The following GPATCH2 variants were observed in gnomAD, a reference collection of about 807,000 sequenced individuals.
GPATCH2 encodes G-patch domain containing 2, also known as G patch domain-containing protein 2.
A neutral mutation model predicts 58.0 loss-of-function variants in GPATCH2; 51 were observed. The ratio of observed to expected loss-of-function variants is 0.88; its 90% CI spans 0.70 to 1.11. The LOEUF (loss-of-function observed/expected upper bound fraction) is 1.11, where lower values mean the gene tolerates loss of function less well. Ranked by LOEUF, GPATCH2 falls within the 50% of genes most tolerant of loss-of-function variation. The pLI, the probability that GPATCH2 is intolerant of heterozygous loss-of-function variation, is 0.00. For synonymous variants in GPATCH2, 222 were observed against 218.5 expected, an observed-to-expected ratio of 1.02 and a Z score of -0.14; for missense variants, 625 against 652.2, an observed-to-expected ratio of 0.96 and a Z score of 0.45.
At chr1:217,608,962 T>C (rs540399559) in intron 5 of GPATCH2, 2 of 984,196 alleles carry the variant, frequency 2.0e-6, no homozygotes, top group African/African-American at 1.7e-5. Context: ...TTTCAGACTT[T>C]AAAAACTTTA....
intron 6 of GPATCH2, among the ~76,000 whole-genome samples, chr1:217,508,587 A>G (rs1662680710): frequency 6.6e-6 from 1 of 152,176 alleles, no homozygotes; most frequent in South Asian, 2.1e-4. Flanking sequence ...GGAACCATGT[A>G]CAGAGTACAT....
chr1:217,472,964 G>A (rs1660798192), intron 8 of GPATCH2, among the ~76,000 whole-genome samples: 1 of 152,098 alleles, frequency 6.6e-6, no homozygotes, highest in Non-Finnish European at 1.5e-5. Flanking sequence ...TCACCACTAA[G>A]GTATATAACC....
Position 217,610,956 on chromosome 1 carries a change from T to C in GPATCH2, c.951A>G (p.Val317=), listed in dbSNP as rs190072558. Reference sequence around the variant, plus strand: ...AGATACTTTCAAAGACAGGATCTGGTACATTTTTGTCTAGCTCAGTAGGAT... The same window carrying C: ...AGATACTTTCAAAGACAGGATCTGGCACATTTTTGTCTAGCTCAGTAGGAT... ...KEDPTELDKN[V]PDPVFESILT... Residue 317 remains valine, a synonymous_variant, in exon 4 of 10, where the codon GTA becomes GTG. Transcript: ENST00000366935. The C allele has an allele frequency of 3.1e-6, 5 of 1,613,482 alleles. No individual in the cohort carries two copies. The highest frequency in any genetic ancestry group is 4.2e-6 in the Non-Finnish European group (5 of 1,179,626).
intron 5 of GPATCH2, among the ~76,000 whole-genome samples, chr1:217,521,007 G>A (rs1040162101): frequency 6.6e-6 from 1 of 152,124 alleles, no homozygotes; most frequent in African/African-American, 2.4e-5. Context: ...ACCATGCCCA[G>A]TTACTTCTTA....
At chr1:217,490,363 G>A (rs1047225210) in intron 8 of GPATCH2, among the ~76,000 whole-genome samples, 5 of 152,100 alleles carry the variant, frequency 3.3e-5, no homozygotes, top group African/African-American at 1.2e-4. Context: ...TATCGTGCAT[G>A]TTATTCACTG....
At chr1:217,467,287 G>A (rs1660506753) in intron 8 of GPATCH2, among the ~76,000 whole-genome samples, 1 of 152,150 alleles carries the variant, frequency 6.6e-6, no homozygotes, top group Non-Finnish European at 1.5e-5. Context: ...GATCCCATGA[G>A]TATTTTTATA....
intron 5 of GPATCH2, among the ~76,000 whole-genome samples, chr1:217,560,829 G>A (rs1055527299): frequency 3.9e-5 from 6 of 152,142 alleles, no homozygotes; most frequent in Non-Finnish European, 5.9e-5. Context: ...TGTCTCCCAT[G>A]GCGGTTATAT....
intron 5 of GPATCH2, among the ~76,000 whole-genome samples, chr1:217,536,806 C>T (rs1664495180): frequency 6.6e-6 from 1 of 152,078 alleles, no homozygotes; most frequent in Admixed American, 6.5e-5. Context: ...GAAAACCCGT[C>T]TCTACTGAAA....
intron 5 of GPATCH2, among the ~76,000 whole-genome samples, chr1:217,556,624 A>AT (rs71556689): frequency 6.6e-6 from 1 of 152,130 alleles, no homozygotes; most frequent in African/African-American, 2.4e-5. Context: ...GACATTTATG[A>AT]TTTTTTCATC....
At chr1:217,433,231 T>C (rs1408710781) in intron 9 of GPATCH2, among the ~76,000 whole-genome samples, 1 of 151,964 alleles carries the variant, frequency 6.6e-6, no homozygotes, top group East Asian at 1.9e-4. Flanking sequence ...AGAAGGATCC[T>C]TGGATCTCAA....
At chr1:217,531,111 G>A (rs1664168991) in intron 5 of GPATCH2, among the ~76,000 whole-genome samples, 1 of 151,754 alleles carries the variant, frequency 6.6e-6, no homozygotes, top group African/African-American at 2.4e-5. Flanking sequence ...GCAGAACCTT[G>A]AAGGCTTCTC....
At chr1:217,625,749 G>A (rs1360464399) in intron 1 of GPATCH2, among the ~76,000 whole-genome samples, 3 of 152,162 alleles carry the variant, frequency 2.0e-5, no homozygotes, top group African/African-American at 4.8e-5. Context: ...CTGGGAGGTC[G>A]AAGTGGGTGG....
chr1:217,490,688 T>A (rs2818974), intron 8 of GPATCH2, among the ~76,000 whole-genome samples: 36,850 of 152,142 alleles, frequency 0.24, 6,164 homozygotes, highest in African/African-American at 0.48. Flanking sequence ...TTTTATGGTG[T>A]TTTGTTGCTT....
chr1:217,470,938 TA>T (rs200769177), intron 8 of GPATCH2, among the ~76,000 whole-genome samples: 2,909 of 151,790 alleles, frequency 0.019, 99 homozygotes, highest in African/African-American at 0.065. Context: ...TAAGAATGAA[TA>T]AAAAAAACTA....
intron 8 of GPATCH2, among the ~76,000 whole-genome samples, chr1:217,480,560 A>G (rs913752668): frequency 2.6e-5 from 4 of 152,182 alleles, no homozygotes; most frequent in African/African-American, 9.6e-5. Context: ...AATTAGTACA[A>G]CCACTATGGA....
intron 1 of GPATCH2, among the ~76,000 whole-genome samples, chr1:217,622,542 C>T (rs1669241450): frequency 6.6e-6 from 1 of 152,036 alleles, no homozygotes; most frequent in Non-Finnish European, 1.5e-5. Context: ...ATATACAACT[C>T]AGGGTTTTTT....
chr1:217,609,345 T>A (rs910475127), intron 5 of GPATCH2: 1 of 985,100 alleles, frequency 1.0e-6, no homozygotes, highest in African/African-American at 1.7e-5. Flanking sequence ...ACAGCATTTG[T>A]TAAAAATACC....
intron 5 of GPATCH2, among the ~76,000 whole-genome samples, chr1:217,530,206 T>C (rs996116259): frequency 6.6e-6 from 1 of 152,134 alleles, no homozygotes; most frequent in Admixed American, 6.5e-5. Context: ...CCCTCCAGTA[T>C]AAAGTAGTTC....
At chr1:217,607,691 G>T (rs1668426394) in intron 5 of GPATCH2, among the ~76,000 whole-genome samples, 1 of 152,168 alleles carries the variant, frequency 6.6e-6, no homozygotes, top group Non-Finnish European at 1.5e-5. Flanking sequence ...CCATGATTCA[G>T]TATTCCCTAA....
Sources: gnomAD v4.1 joint callset for allele counts (sites outside exome capture counted in the v4.1 genomes callset) on GRCh38, gnomAD v4.1.1 for gene constraint, MANE v1.5 for transcripts, NCBI Gene and HGNC (gene_info 2026-07-23, HGNC 2026-07-21) for gene names.